Variants in ZFHX3 observed in about 807,000 individuals in gnomAD.
The protein encoded by ZFHX3 is zinc finger homeobox 3.
In ZFHX3, 42 loss-of-function variants were observed where a neutral mutation model predicts 279.1. The observed-to-expected ratio is 0.15, with a 90% CI of 0.12 to 0.19. ZFHX3 has a LOEUF of 0.19. Among genes scored for constraint, ZFHX3 ranks in the 10% least tolerant of loss-of-function variants. ZFHX3 has a pLI of 1.00. For synonymous variants in ZFHX3, 2,293 were observed against 1,957.8 expected (o/e 1.17, Z -4.52); for missense variants, 4,981 against 4,754.0 (o/e 1.05, Z -1.40).
chr16:73,451,058 T>C (rs2018274768), intron 3 of ZFHX3, among the ~76,000 whole-genome samples: 1 of 152,222 alleles, frequency 6.6e-6, no homozygotes. Context: ...GGTCATGCTC[T>C]GTGTTCCACT....
intron 5 of ZFHX3, among the ~76,000 whole-genome samples, chr16:73,177,918 C>G (rs139644361): frequency 6.6e-6 from 1 of 151,564 alleles, no homozygotes; most frequent in East Asian, 1.9e-4. Context: ...AGAGCTGCTG[C>G]GAACAGGGGC....
In ZFHX3 at chr16:72,784,902, T is replaced by C. The variant is rs938081027; in HGVS notation, c.*2262A>G. 1.3e-5 allele frequency: 2 copies of C among 152,300 alleles called. No homozygotes were observed. The highest frequency in any genetic ancestry group is 1.3e-4 in the Admixed American group (2 of 15,248). 9.4% of individuals were successfully genotyped at this position (152,300 alleles called of 1,614,324 possible). A position where few individuals can be genotyped will look rare whatever the true frequency, so the allele number is the denominator to read the frequency against. ...TAAAAACAAATTCATAAAAATAAAA[T>C]AGTCCCGGCTAAAAAAGAAAAAAAG... On this transcript the variant is annotated 3_prime_UTR_variant, in exon 10 of 10. Transcript: ENST00000268489.
intron 3 of ZFHX3, among the ~76,000 whole-genome samples, chr16:73,328,003 CG>C (rs1567451697): frequency 6.6e-6 from 1 of 152,148 alleles, no homozygotes; most frequent in Non-Finnish European, 1.5e-5. Flanking sequence ...AGCTCAGGAT[CG>C]GGGGGAACAC....
intron 1 of ZFHX3, among the ~76,000 whole-genome samples, chr16:73,025,716 C>A (rs147022146): frequency 6.6e-6 from 1 of 152,016 alleles, no homozygotes; most frequent in Non-Finnish European, 1.5e-5. Flanking sequence ...AGGGCCCAAC[C>A]GAAAAAGATA....
chr16:72,850,119 C>T (rs963914150), intron 4 of ZFHX3, among the ~76,000 whole-genome samples: 5 of 152,136 alleles, frequency 3.3e-5, no homozygotes. Context: ...GACAACACTC[C>T]AGATGGGACC....
intron 3 of ZFHX3, among the ~76,000 whole-genome samples, chr16:73,360,276 C>A (rs1009241716): frequency 6.6e-6 from 1 of 152,194 alleles, no homozygotes; most frequent in African/African-American, 2.4e-5. Flanking sequence ...CACAACCACC[C>A]AATGAGGAAA....
At chr16:73,078,620 G>A (rs1965910892) in intron 8 of ZFHX3, among the ~76,000 whole-genome samples, 1 of 151,448 alleles carries the variant, frequency 6.6e-6, no homozygotes, top group Non-Finnish European at 1.5e-5. Flanking sequence ...ACAGTGCTGG[G>A]ATTATAAACC....
chr16:73,731,498 C>T (rs1241941462), intron 1 of ZFHX3, among the ~76,000 whole-genome samples: 1 of 151,248 alleles, frequency 6.6e-6, no homozygotes, highest in Non-Finnish European at 1.5e-5. Flanking sequence ...CAAAGAAAAT[C>T]TCTAATTTAA....
chr16:72,837,654 T>TG (rs957608289), intron 4 of ZFHX3, among the ~76,000 whole-genome samples: 18 of 135,786 alleles, frequency 1.3e-4, no homozygotes, highest in Non-Finnish European at 1.8e-4. Context: ...TTAGTAGGGA[T>TG]GGGGTCTCAC....
At chr16:73,284,316 CAAAAAAAAAAAAAAA>C (rs71156152) in intron 4 of ZFHX3, among the ~76,000 whole-genome samples, 2 of 83,306 alleles carry the variant, frequency 2.4e-5, no homozygotes, top group African/African-American at 4.8e-5. Flanking sequence ...GACTCTGTCT[CAAAAAAAAAAAAAAA>C]AAAAAAAAGA....
intron 2 of ZFHX3, among the ~76,000 whole-genome samples, chr16:73,460,299 T>C (rs755378527): frequency 6.6e-6 from 1 of 152,260 alleles, no homozygotes; most frequent in Non-Finnish European, 1.5e-5. Flanking sequence ...TATCAATTGT[T>C]TGCTCTTTTT....
intron 1 of ZFHX3, among the ~76,000 whole-genome samples, chr16:73,723,190 C>T (rs2053491043): frequency 6.6e-6 from 1 of 152,096 alleles, no homozygotes; most frequent in Non-Finnish European, 1.5e-5. Context: ...TCTCTGAGTG[C>T]TTTACAAATG....
chr16:72,796,610 G>C lies in ZFHX3; in HGVS notation c.6072C>G (p.Asp2024Glu), dbSNP rs750337459. 6.2e-7 allele frequency: 1 copy of C among 1,614,004 alleles called. No individual in the cohort carries two copies. The highest frequency in any genetic ancestry group is 1.1e-5 in the South Asian group (1 of 91,076). Residue 2024 changes from aspartate (D) to glutamate (E), a missense_variant, in exon 9 of 10, where the codon GAC (aspartate) becomes GAG (glutamate). Physicochemically the swap from Asp to Glu is conservative, Grantham distance 45. Around this residue, in one of 7 missense-constraint regions of ZFHX3, gnomAD observed 1,751 missense variants for 1,770.0 expected, o/e 0.99. Transcript: ENST00000268489. ...TCAGTGGGTACAGTTTATCGTAGTGGTCTCTGTACTGTTTGGCAAACCTCT... is the reference window on the plus strand; with the variant it reads ...TCAGTGGGTACAGTTTATCGTAGTGCTCTCTGTACTGTTTGGCAAACCTCT... ...QLERFAKQYR[D>E]HYDKLYPLRP...
intron 3 of ZFHX3, among the ~76,000 whole-genome samples, chr16:73,386,016 C>T (rs906756001): frequency 2.0e-5 from 3 of 152,094 alleles, no homozygotes; most frequent in South Asian, 2.1e-4. Context: ...CAAAATGATG[C>T]GGTTTGGTCT....
chr16:72,805,366 G>T (rs1304508456), intron 7 of ZFHX3, among the ~76,000 whole-genome samples: 6 of 152,190 alleles, frequency 3.9e-5, no homozygotes, highest in African/African-American at 1.4e-4. Context: ...CTCACTTTAG[G>T]ACTTCTTTCT....
intron 4 of ZFHX3, among the ~76,000 whole-genome samples, chr16:72,853,309 C>A (rs2037665977): frequency 6.6e-6 from 1 of 152,228 alleles, no homozygotes; most frequent in Non-Finnish European, 1.5e-5. Context: ...GAAATCAAAT[C>A]TTATCAGAAT....
intron 8 of ZFHX3, among the ~76,000 whole-genome samples, chr16:73,072,561 C>T (rs1395210853): frequency 6.6e-6 from 1 of 151,784 alleles, no homozygotes; most frequent in Non-Finnish European, 1.5e-5. Context: ...TGTTTGGGTT[C>T]ATTCCTATTT....
chr16:72,923,925 T>A (rs1404298641), intron 3 of ZFHX3, among the ~76,000 whole-genome samples: 1 of 152,364 alleles, frequency 6.6e-6, no homozygotes, highest in East Asian at 1.9e-4. Context: ...GTACAATGCC[T>A]GGTTCACAAC....
chr16:73,615,401 C>G (rs2052290518), intron 2 of ZFHX3, among the ~76,000 whole-genome samples: 1 of 152,132 alleles, frequency 6.6e-6, no homozygotes, highest in Non-Finnish European at 1.5e-5. Context: ...AAGAAACATT[C>G]TGAAACCAAA....
Sources: gnomAD v4.1 joint callset for allele counts (sites outside exome capture counted in the v4.1 genomes callset) on GRCh38, gnomAD v4.1.1 for gene constraint, gnomAD v4.1.1 regional missense constraint, MANE v1.5 for transcripts, NCBI Gene and HGNC (gene_info 2026-07-23, HGNC 2026-07-21) for gene names.